The following ACYP2 variants were observed in gnomAD, a reference collection of about 807,000 sequenced individuals.
The protein encoded by ACYP2 is acylphosphatase 2, also known as acylphosphatase-2.
Under a neutral mutation model 11.2 loss-of-function variants are expected in ACYP2, and 12 were observed. That is an observed-to-expected ratio of 1.08 (90% CI 0.69 to 1.74). ACYP2 has a LOEUF of 1.74. Ranked by LOEUF, ACYP2 falls within the 40% of genes most tolerant of loss-of-function variation. ACYP2 has a pLI of 0.00. For missense variants in ACYP2, 134 were observed against 101.9 expected, an observed-to-expected ratio of 1.31 and a Z score of -1.35; for synonymous variants, 43 against 32.2, an observed-to-expected ratio of 1.33 and a Z score of -1.13.
rs187601572 is a variant in ACYP2 at position 54,264,188 on chromosome 2, C to T, written c.405-40500C>T. Among the ~76,000 whole-genome samples the T allele has an allele frequency of 4.8e-4, 73 of 152,234 alleles. 1 individual carries two copies. The highest frequency in any genetic ancestry group is 1.7e-3 in the African/African-American group (72 of 41,518). On this transcript the variant is annotated intron_variant, in intron 6 of 6. Transcript: ENST00000607452. ...GTGGGTTCGTGGTCTCGCTTGATTTCAGGAGTGAAGCCGCAGACCTTCTCA... is the reference window on the plus strand; with the variant it reads ...GTGGGTTCGTGGTCTCGCTTGATTTTAGGAGTGAAGCCGCAGACCTTCTCA...
chr2:54,204,089 C>T (rs902411600), intron 6 of ACYP2, among the ~76,000 whole-genome samples: 1 of 152,100 alleles, frequency 6.6e-6, no homozygotes, highest in Non-Finnish European at 1.5e-5. Flanking sequence ...CTGCCTCCCA[C>T]GTTGAAGTGA....
In ACYP2 at chr2:54,265,273, A is replaced by G. The variant is rs145150739; in HGVS notation, c.405-39415A>G. On this transcript the variant is annotated intron_variant, in intron 6 of 6. Transcript: ENST00000607452. The stretch of plus-strand genomic sequence containing the variant: ...TGGAAGGCAAGGAGGAGCAAGTCAC[A>G]TCTTACATGGATGGCAGCAGGCAAA... 7.9e-3 allele frequency among the ~76,000 whole-genome samples: 1,204 copies of G among 152,312 alleles called. 17 individuals carry two copies. Among genetic ancestry groups the G allele is most frequent in the Non-Finnish European group, 8.6e-3 (587 of 68,032 alleles).
At chr2:54,292,997 G>A (rs1689374593) in intron 6 of ACYP2, among the ~76,000 whole-genome samples, 1 of 152,102 alleles carries the variant, frequency 6.6e-6, no homozygotes, top group Non-Finnish European at 1.5e-5. Flanking sequence ...ACTGCACCCT[G>A]ACTATACCCT....
At chr2:54,106,270 G>A (rs1228949757) in intron 4 of ACYP2, among the ~76,000 whole-genome samples, 1 of 151,948 alleles carries the variant, frequency 6.6e-6, no homozygotes, top group Non-Finnish European at 1.5e-5. Flanking sequence ...TATTTTATTT[G>A]TAGAGATGGG....
At chr2:54,109,099 TTTAAA>T (rs1484472622) in intron 4 of ACYP2, among the ~76,000 whole-genome samples, 1 of 152,188 alleles carries the variant, frequency 6.6e-6, no homozygotes, top group African/African-American at 2.4e-5. Context: ...TGCCTCGAAA[TTTAAA>T]TTATATGCCC....
At chr2:54,117,726 G>C (rs1416753127) in intron 4 of ACYP2, among the ~76,000 whole-genome samples, 1 of 151,966 alleles carries the variant, frequency 6.6e-6, no homozygotes, top group Non-Finnish European at 1.5e-5. Flanking sequence ...ATTAAGAATG[G>C]GTAAAAGTGT....
At chr2:54,285,086 G>C (rs1030574131) in intron 6 of ACYP2, among the ~76,000 whole-genome samples, 2 of 152,212 alleles carry the variant, frequency 1.3e-5, no homozygotes, top group Non-Finnish European at 2.9e-5. Context: ...CTGCTTCAAA[G>C]ATTTTGCCTT....
At chr2:54,016,765 G>A (rs1026282867) in intron 2 of ACYP2, among the ~76,000 whole-genome samples, 9 of 144,398 alleles carry the variant, frequency 6.2e-5, no homozygotes, top group Non-Finnish European at 1.0e-4. Context: ...TTGCTGTGTC[G>A]CTCAGGCTGG....
chr2:54,234,310 T>C (rs1686378986), intron 6 of ACYP2, among the ~76,000 whole-genome samples: 4 of 152,258 alleles, frequency 2.6e-5, no homozygotes, highest in Admixed American at 2.6e-4. Flanking sequence ...TCAAAAACTG[T>C]TGCCATGACC....
intron 6 of ACYP2, among the ~76,000 whole-genome samples, chr2:54,223,949 T>G (rs191559961): frequency 6.6e-6 from 1 of 152,278 alleles, no homozygotes; most frequent in Non-Finnish European, 1.5e-5. Flanking sequence ...GGTATATTCT[T>G]ACCTAATTAA....
intron 4 of ACYP2, among the ~76,000 whole-genome samples, chr2:54,069,140 A>G (rs1676888472): frequency 6.6e-6 from 1 of 152,074 alleles, no homozygotes; most frequent in African/African-American, 2.4e-5. Context: ...TTTGTTGCCC[A>G]GTCTGGTCTC....
At chr2:54,097,052 G>T (rs928391307) in intron 4 of ACYP2, among the ~76,000 whole-genome samples, 2 of 152,120 alleles carry the variant, frequency 1.3e-5, no homozygotes, top group African/African-American at 4.8e-5. Flanking sequence ...ATTATTTTTA[G>T]CAAAGTAATC....
chr2:54,080,176 C>G (rs1677568010), intron 4 of ACYP2: 1 of 170,452 alleles, frequency 5.9e-6, no homozygotes. Flanking sequence ...ACAACTGCAG[C>G]CTTTGCTGTG....
intron 2 of ACYP2, among the ~76,000 whole-genome samples, chr2:54,049,993 A>G (rs573991885): frequency 1.3e-5 from 2 of 152,248 alleles, no homozygotes; most frequent in East Asian, 3.9e-4. Context: ...CTGGGTGGAC[A>G]CTGCTTCTAG....
intron 2 of ACYP2, among the ~76,000 whole-genome samples, chr2:54,041,250 G>A (rs917190177): frequency 2.0e-5 from 3 of 151,952 alleles, no homozygotes; most frequent in Admixed American, 6.6e-5. Context: ...CCCGGCCAGC[G>A]GTGGCCTTTT....
chr2:54,233,240 T>C (rs755745376), intron 6 of ACYP2, among the ~76,000 whole-genome samples: 1 of 152,116 alleles, frequency 6.6e-6, no homozygotes, highest in Non-Finnish European at 1.5e-5. Context: ...TTTTGACATA[T>C]GTGTATACCT....
chr2:53,995,485 ATTT>A (rs1221902874), intron 2 of ACYP2, among the ~76,000 whole-genome samples: 15 of 129,326 alleles, frequency 1.2e-4, no homozygotes, highest in African/African-American at 4.6e-4. Flanking sequence ...TTATTTATTT[ATTT>A]TTTATTTATT....
At chr2:54,104,597 G>A (rs1265415873) in intron 4 of ACYP2, among the ~76,000 whole-genome samples, 1 of 152,078 alleles carries the variant, frequency 6.6e-6, no homozygotes, top group Non-Finnish European at 1.5e-5. Context: ...CACCTTACAG[G>A]CTACTGTTTT....
rs1034285874 is a variant in ACYP2, at chr2:54,195,007, G to A, written c.404+56259G>A. ...AACCATATGCATTGACTTATTTTTG[G>A]TACCTCCCCAAACTAGGTCAGAATA... On this transcript the variant is annotated intron_variant, in intron 6 of 6. Transcript: ENST00000607452. Among the ~76,000 whole-genome samples the A allele has an allele frequency of 2.6e-5, 4 of 152,104 alleles. No homozygotes were observed. In the South Asian group the frequency reaches 8.3e-4, roughly 31 times the overall value.
Sources: gnomAD v4.1 joint callset for allele counts (sites outside exome capture counted in the v4.1 genomes callset) on GRCh38, gnomAD v4.1.1 for gene constraint, MANE v1.5 for transcripts, NCBI Gene and HGNC (gene_info 2026-07-23, HGNC 2026-07-21) for gene names.